ANKRD33B: variants seen among roughly 807,000 people sequenced by gnomAD.
The protein encoded by ANKRD33B is ankyrin repeat domain-containing protein 33B.
In ANKRD33B, 6 loss-of-function variants were observed where a neutral mutation model predicts 21.5. The ratio of observed to expected loss-of-function variants is 0.28; its 90% confidence interval spans 0.15 to 0.55. The LOEUF (loss-of-function observed/expected upper bound fraction) is 0.55. ANKRD33B is among the 20% of genes least tolerant of loss of function. ANKRD33B has a pLI of 0.94. For missense variants in ANKRD33B, 698 were observed against 747.2 expected (o/e 0.93, Z 0.77); for synonymous variants, 347 against 342.4 (o/e 1.01, Z -0.15).
rs1579762555 is a variant in ANKRD33B at position 10,649,481 on chromosome 5, G to T, written c.853G>T (p.Asp285Tyr). The part of the protein sequence containing the change: ...GSKNCLQRLT[D>Y]CVLSVLTPRS... ...CAAGAACTGCCTGCAGAGGCTCACA[G>T]ACTGCGTGCTGTCCGTGCTGACGCC... The change falls in exon 4 of 4, where the codon GAC becomes TAC. Residue 285 changes from aspartate (D) to tyrosine (Y), a missense_variant. Asp to Tyr is a radical substitution (Grantham distance 160, BLOSUM62 -3). Coordinates refer to ENST00000296657, the MANE Select transcript of ANKRD33B (RefSeq NM_001164440.2). 1 of 1,535,192 alleles carries T rather than the reference G, an allele frequency of 6.5e-7. No homozygotes were observed. Among genetic ancestry groups the T allele is most frequent in the East Asian group, 2.4e-5 (1 of 40,866 alleles).
At chr5:10,625,932 C>CG (rs1474094944) in intron 2 of ANKRD33B, among the ~76,000 whole-genome samples, 4 of 151,968 alleles carry the variant, frequency 2.6e-5, no homozygotes, top group African/African-American at 7.3e-5. Flanking sequence ...CTGTCAATTA[C>CG]GGGGGGAAGG....
rs1247742697 is a variant in ANKRD33B, at chr5:10,639,918, GGGTTGCGCGGCGATGT to G, written c.637+1751_637+1766del. On this transcript the variant is annotated intron_variant, in intron 3 of 3. Transcript: ENST00000296657. Reference sequence around the variant, plus strand: ...TGCGGCGATGTTAGCGGGTGACGTGGGGTTGCGCGGCGATGTTAGGCGGTGACGTGGAGTTGCGCGG... The same window carrying G: ...TGCGGCGATGTTAGCGGGTGACGTGGTAGGCGGTGACGTGGAGTTGCGCGG... 8.9e-4 allele frequency among the ~76,000 whole-genome samples: 36 copies of G among 40,234 alleles called. 1 individual carries two copies. In the Admixed American group the frequency reaches 9.4e-3, roughly 11 times the overall value. 26.4% of individuals were successfully genotyped at this position (40,234 alleles called of 152,430 possible). A position where few individuals can be genotyped will look rare whatever the true frequency, so the allele number is the denominator to read the frequency against.
chr5:10,641,563 A>T (rs1737064404), intron 3 of ANKRD33B, among the ~76,000 whole-genome samples: 1 of 151,952 alleles, frequency 6.6e-6, no homozygotes, highest in African/African-American at 2.4e-5. Flanking sequence ...TTTCTGTCAT[A>T]ACCTGTTGCC....
intron 1 of ANKRD33B, among the ~76,000 whole-genome samples, chr5:10,611,136 G>T (rs1391092563): frequency 6.6e-6 from 1 of 152,188 alleles, no homozygotes. Context: ...ATACACAGCT[G>T]CACCAAATAG....
At chr5:10,618,180 A>G (rs559455017) in intron 1 of ANKRD33B, among the ~76,000 whole-genome samples, 153 bp from the exon 2 acceptor site, 2 of 152,200 alleles carry the variant, frequency 1.3e-5, no homozygotes, top group African/African-American at 4.8e-5. Flanking sequence ...CGGCTGGCTC[A>G]CTCTAAACCA....
At chr5:10,599,604 G>A (rs548444646) in intron 1 of ANKRD33B, among the ~76,000 whole-genome samples, 2 of 152,062 alleles carry the variant, frequency 1.3e-5, no homozygotes, top group South Asian at 4.2e-4. Flanking sequence ...TTTTGTATAT[G>A]GGTAATATCA....
chr5:10,623,143 C>T (rs1399830327), intron 2 of ANKRD33B, among the ~76,000 whole-genome samples: 5 of 152,126 alleles, frequency 3.3e-5, no homozygotes, highest in Non-Finnish European at 7.4e-5. Flanking sequence ...GGAAGGTGGC[C>T]TCGGGAGCTT....
At chr5:10,583,250 C>T (rs1003747605) in intron 1 of ANKRD33B, among the ~76,000 whole-genome samples, 3 of 152,056 alleles carry the variant, frequency 2.0e-5, no homozygotes, top group African/African-American at 4.8e-5. Context: ...CCTCCCTCCC[C>T]GGGCCTCCCA....
At chr5:10,605,546 G>C (rs1291194174) in intron 1 of ANKRD33B, among the ~76,000 whole-genome samples, 1 of 119,654 alleles carries the variant, frequency 8.4e-6, no homozygotes, top group African/African-American at 3.0e-5. Flanking sequence ...TTTTTTTTTT[G>C]AGGTGGAGTT....
At chr5:10,566,437 G>A (rs1199998629) in intron 1 of ANKRD33B, among the ~76,000 whole-genome samples, 1 of 152,104 alleles carries the variant, frequency 6.6e-6, no homozygotes, top group Non-Finnish European at 1.5e-5. Flanking sequence ...GCCAGTATGG[G>A]GGCCCGCTTT....
chr5:10,625,036 C>T (rs1736511275), intron 2 of ANKRD33B: 1 of 330,246 alleles, frequency 3.0e-6, no homozygotes, highest in Admixed American at 4.2e-5. Flanking sequence ...CACTGAAGAC[C>T]AGCAGAGTCA....
At chr5:10,569,016 A>AT (rs879419184) in intron 1 of ANKRD33B, among the ~76,000 whole-genome samples, 1 of 152,204 alleles carries the variant, frequency 6.6e-6, no homozygotes, top group Non-Finnish European at 1.5e-5. Flanking sequence ...TCAGGGCTTT[A>AT]TCTTGAAATG....
chr5:10,601,282 A>G (rs142444611), intron 1 of ANKRD33B, among the ~76,000 whole-genome samples: 2 of 152,276 alleles, frequency 1.3e-5, no homozygotes, highest in African/African-American at 4.8e-5. Flanking sequence ...GTTCTCCACC[A>G]ACTTTGGATG....
chr5:10,622,806 T>TTTTTTTTTTTTTTTTG (rs1560977694), intron 2 of ANKRD33B, among the ~76,000 whole-genome samples: 1 of 127,086 alleles, frequency 7.9e-6, no homozygotes, highest in Non-Finnish European at 1.6e-5. Flanking sequence ...TTATTTTATT[T>TTTTTTTTTTTTTTTTG]TATTTTTTTT....
intron 2 of ANKRD33B, among the ~76,000 whole-genome samples, chr5:10,628,390 C>T (rs375204192): frequency 1.1e-4 from 16 of 152,270 alleles, no homozygotes; most frequent in African/African-American, 3.9e-4. Context: ...CCATGTTGGC[C>T]AGGCTGGTAT....
intron 2 of ANKRD33B, among the ~76,000 whole-genome samples, chr5:10,632,755 C>A (rs924764456): frequency 6.6e-6 from 1 of 152,136 alleles, no homozygotes; most frequent in Non-Finnish European, 1.5e-5. Context: ...TTGAACGGCT[C>A]TATGCTAGTT....
At chr5:10,621,972 C>T (rs998733969) in intron 2 of ANKRD33B, among the ~76,000 whole-genome samples, 3 of 152,186 alleles carry the variant, frequency 2.0e-5, no homozygotes, top group Non-Finnish European at 4.4e-5. Context: ...GCTCCTTCCC[C>T]ACCATGTAAG....
chr5:10,571,320 G>C (rs1230863853), intron 1 of ANKRD33B, among the ~76,000 whole-genome samples: 1 of 152,202 alleles, frequency 6.6e-6, no homozygotes, highest in Non-Finnish European at 1.5e-5. Flanking sequence ...TCCTGCCTCA[G>C]CCTCCTGAGT....
In ANKRD33B at chr5:10,564,360, C is replaced by A. The variant is rs905353623; in HGVS notation, c.-108C>A. On this transcript the variant is annotated 5_prime_UTR_variant, in exon 1 of 4. Transcript: ENST00000296657. ...CCGCCGAGCTGGAGCGCGCGGGCCA[C>A]GGCTTCTCTGGGGACGCAGAAGCGA... is the stretch of plus-strand genomic sequence containing the variant. 1.2e-6 allele frequency: 1 copy of A among 800,330 alleles called. No homozygotes were observed. Among genetic ancestry groups the A allele is most frequent in the Non-Finnish European group, 1.5e-6 (1 of 656,450 alleles). 49.6% of individuals were successfully genotyped at this position (800,330 alleles called of 1,614,324 possible). A position where few individuals can be genotyped will look rare whatever the true frequency, so the allele number is the denominator to read the frequency against.
Sources: gnomAD v4.1 joint callset for allele counts (sites outside exome capture counted in the v4.1 genomes callset) on GRCh38, gnomAD v4.1.1 for gene constraint, MANE v1.5 for transcripts, NCBI Gene and HGNC (gene_info 2026-07-23, HGNC 2026-07-21) for gene names.